PDZD2: variants seen among roughly 807,000 people sequenced by gnomAD.
The protein encoded by PDZD2 is PDZ domain-containing protein 2.
PDZD2 carries 90 observed loss-of-function variants against 220.7 expected under a neutral mutation model. The ratio of observed to expected loss-of-function variants is 0.41; its 90% CI spans 0.34 to 0.49. PDZD2 has a LOEUF of 0.49. PDZD2 is among the 20% of genes least tolerant of loss of function. The probability of loss-of-function intolerance (pLI) is 0.28; values close to 1 mark genes in which losing one functional copy is unlikely to be tolerated. For synonymous variants in PDZD2, 1,375 were observed against 1,450.5 expected, an observed-to-expected ratio of 0.95 and a Z score of 1.18; for missense variants, 3,174 against 3,608.5, an observed-to-expected ratio of 0.88 and a Z score of 3.08.
At chr5:31,960,668 G>C (rs1748136713) in intron 2 of PDZD2, among the ~76,000 whole-genome samples, 1 of 152,008 alleles carries the variant, frequency 6.6e-6, no homozygotes, top group Admixed American at 6.6e-5. Context: ...ACTTCCTAAG[G>C]AAAACCTTGC....
At chr5:31,692,157 G>A (rs1056720045) in intron 1 of PDZD2, among the ~76,000 whole-genome samples, 3 of 92,910 alleles carry the variant, frequency 3.2e-5, no homozygotes, top group South Asian at 2.8e-4. Context: ...AGCCCTGCTC[G>A]CGGGAAGGCA....
At chr5:31,733,235 G>A (rs1475990129) in intron 1 of PDZD2, among the ~76,000 whole-genome samples, 1 of 152,114 alleles carries the variant, frequency 6.6e-6, no homozygotes, top group Non-Finnish European at 1.5e-5. Flanking sequence ...GGGTGCTGGT[G>A]ATGTTCCAAT....
chr5:31,977,017 G>GTT (rs199573652), intron 2 of PDZD2, among the ~76,000 whole-genome samples: 1,819 of 147,138 alleles, frequency 0.012, 37 homozygotes, highest in African/African-American at 0.044. Flanking sequence ...CGCCTGGCCA[G>GTT]TTTTGTTTTT....
At chr5:31,838,633 C>T (rs10053825) in intron 2 of PDZD2, among the ~76,000 whole-genome samples, 10,022 of 152,238 alleles carry the variant, frequency 0.066, 497 homozygotes, top group East Asian at 0.26. Flanking sequence ...GCTAGGCAAA[C>T]AAGTCATCGT....
In PDZD2 at chr5:32,057,350, C is replaced by G. The variant is rs540099165; in HGVS notation, c.1901-305C>G. ...GGAACGCCTTTGAACTAGATTTCTG[C>G]AGTTTGATTTCGAAACATAGGACAT... On this transcript the variant is annotated intron_variant, in intron 10 of 24. Transcript: ENST00000438447. Among the ~76,000 whole-genome samples the G allele has an allele frequency of 2.0e-5, 3 of 152,294 alleles. No individual in the cohort carries two copies. In the South Asian group the frequency reaches 6.2e-4, roughly 32 times the overall value.
chr5:31,804,432 C>T lies in PDZD2; in HGVS notation c.476+4708C>T, dbSNP rs535118157. 2.0e-5 allele frequency among the ~76,000 whole-genome samples: 3 copies of T among 152,318 alleles called. No homozygotes were observed. In the South Asian group the frequency reaches 6.2e-4, roughly 32 times the overall value. The stretch of plus-strand genomic sequence containing the variant: ...ACTCCCTACTTCTCTTGAATAATTA[C>T]AAGAAGTACCATTTATTGAGCAGTT... On this transcript the variant is annotated intron_variant, in intron 2 of 24. Coordinates refer to ENST00000438447, the MANE Select transcript of PDZD2 (RefSeq NM_178140.4).
chr5:31,958,832 A>G (rs1179713156), intron 2 of PDZD2, among the ~76,000 whole-genome samples: 1 of 151,724 alleles, frequency 6.6e-6, no homozygotes, highest in Non-Finnish European at 1.5e-5. Flanking sequence ...CTCATTTTGT[A>G]GCCCAGCCTC....
At chr5:32,035,840 A>G (rs1231585157) in intron 6 of PDZD2, among the ~76,000 whole-genome samples, 2 of 152,328 alleles carry the variant, frequency 1.3e-5, no homozygotes, top group East Asian at 3.9e-4. Context: ...CTGCCAGTTG[A>G]GTTTAACTTC....
chr5:31,896,163 C>T (rs865822602), intron 2 of PDZD2, among the ~76,000 whole-genome samples: 5 of 151,856 alleles, frequency 3.3e-5, no homozygotes, highest in East Asian at 3.9e-4. Context: ...GGTATTGTGA[C>T]GGAAAGGTAA....
At chr5:31,993,382 A>G (rs916401946) in intron 3 of PDZD2, among the ~76,000 whole-genome samples, 7 of 152,230 alleles carry the variant, frequency 4.6e-5, no homozygotes, top group Non-Finnish European at 5.9e-5. Context: ...ACAGCACGCT[A>G]CCCGAAGGAG....
At chr5:31,830,234 C>T (rs1212821928) in intron 2 of PDZD2, among the ~76,000 whole-genome samples, 28 of 149,864 alleles carry the variant, frequency 1.9e-4, no homozygotes, top group African/African-American at 5.4e-4. Flanking sequence ...GGAGCGATCT[C>T]GGCTCACTGC....
chr5:32,053,196 G>A (rs1416438978), intron 9 of PDZD2, among the ~76,000 whole-genome samples: 1 of 152,204 alleles, frequency 6.6e-6, no homozygotes, highest in Non-Finnish European at 1.5e-5. Context: ...AGGGTGCAAT[G>A]AATGACCCTC....
chr5:31,821,322 T>C (rs931089427), intron 2 of PDZD2, among the ~76,000 whole-genome samples: 5 of 152,094 alleles, frequency 3.3e-5, no homozygotes, highest in African/African-American at 1.2e-4. Flanking sequence ...AATTACTATC[T>C]GATTATCTAA....
At chr5:31,718,916 G>C (rs1355032784) in intron 1 of PDZD2, among the ~76,000 whole-genome samples, 10 of 152,004 alleles carry the variant, frequency 6.6e-5, no homozygotes, top group Non-Finnish European at 2.9e-5. Flanking sequence ...TAGCCAGGAT[G>C]GTCTCCATCT....
At chr5:31,802,744 C>T (rs1173720085) in intron 2 of PDZD2, among the ~76,000 whole-genome samples, 1 of 151,872 alleles carries the variant, frequency 6.6e-6, no homozygotes, top group Non-Finnish European at 1.5e-5. Context: ...CATGGTGAAA[C>T]CCCGTGTCTA....
chr5:31,669,437 G>T (rs1746130025), intron 1 of PDZD2, among the ~76,000 whole-genome samples: 1 of 149,300 alleles, frequency 6.7e-6, no homozygotes, highest in Admixed American at 6.7e-5. Flanking sequence ...GATCTATCCA[G>T]CCCCTAATGT....
intron 1 of PDZD2, among the ~76,000 whole-genome samples, chr5:31,705,201 C>A (rs936087507): frequency 1.1e-5 from 1 of 94,090 alleles, no homozygotes; most frequent in African/African-American, 4.8e-5. Flanking sequence ...CACACACACA[C>A]ACACACACAT....
At chr5:31,705,291 G>A (rs930107081) in intron 1 of PDZD2, among the ~76,000 whole-genome samples, 5 of 151,970 alleles carry the variant, frequency 3.3e-5, no homozygotes, top group African/African-American at 4.8e-5. Flanking sequence ...ATACACACAC[G>A]GGACAGAATT....
At chr5:31,974,306 A>G (rs565903604) in intron 2 of PDZD2, among the ~76,000 whole-genome samples, 1 of 152,288 alleles carries the variant, frequency 6.6e-6, no homozygotes, top group Admixed American at 6.5e-5. Context: ...TGCTTGCAGC[A>G]CTGCATTTCA....
Sources: gnomAD v4.1 joint callset for allele counts (sites outside exome capture counted in the v4.1 genomes callset) on GRCh38, gnomAD v4.1.1 for gene constraint, MANE v1.5 for transcripts, NCBI Gene and HGNC (gene_info 2026-07-23, HGNC 2026-07-21) for gene names.